RAB23: variants seen among roughly 807,000 people sequenced by gnomAD.
The protein encoded by RAB23 is RAB23, member RAS oncogene family.
RAB23 carries 15 observed loss-of-function variants against 30.0 expected under a neutral mutation model. That is an observed-to-expected ratio of 0.50 (90% CI 0.33 to 0.77). The LOEUF (loss-of-function observed/expected upper bound fraction) is 0.77. Among genes scored for constraint, RAB23 ranks in the 30% least tolerant of loss-of-function variants. The pLI is 0.02. For missense variants in RAB23, 243 were observed against 275.4 expected (o/e 0.88, Z 0.83); for synonymous variants, 93 against 94.0 (o/e 0.99, Z 0.06).
chr6:57,192,158 G>A (rs1389069517), intron 6 of RAB23, among the ~76,000 whole-genome samples: 1 of 152,180 alleles, frequency 6.6e-6, no homozygotes, highest in Admixed American at 6.5e-5. Flanking sequence ...GTGAGATTCT[G>A]TGTTAATACT....
intron 1 of RAB23, among the ~76,000 whole-genome samples, chr6:57,220,827 T>C (rs1333480657): frequency 2.0e-5 from 3 of 151,624 alleles, no homozygotes; most frequent in Non-Finnish European, 4.4e-5. Context: ...GAACTGTACA[T>C]CGAAAAAAAA....
chr6:57,215,001 G>A (rs913572017), intron 1 of RAB23, among the ~76,000 whole-genome samples: 2 of 152,096 alleles, frequency 1.3e-5, no homozygotes, highest in African/African-American at 4.8e-5. Context: ...AGTACCAAAT[G>A]GAAAGTAGAA....
intron 2 of RAB23, among the ~76,000 whole-genome samples, chr6:57,209,047 C>T (rs182106296): frequency 1.3e-5 from 2 of 152,232 alleles, no homozygotes; most frequent in African/African-American, 4.8e-5. Context: ...GACAGCACTG[C>T]AGCACTACAC....
chr6:57,206,249 G>A lies in RAB23; in HGVS notation c.241+1379C>T, dbSNP rs538029732. The stretch of plus-strand genomic sequence containing the variant: ...AAAACTAAGCTGAAGAAGGAAAGAA[G>A]TAAAGCCATGTGGAAGGTCATATTT... On this transcript the variant is annotated intron_variant, in intron 3 of 6. Transcript: ENST00000468148. 1.0e-3 allele frequency among the ~76,000 whole-genome samples: 156 copies of A among 152,222 alleles called. 1 individual carries two copies. Among genetic ancestry groups the A allele is most frequent in the Admixed American group, 2.8e-3 (43 of 15,278 alleles).
intron 6 of RAB23, among the ~76,000 whole-genome samples, chr6:57,191,259 T>A (rs1391388741): frequency 1.3e-5 from 2 of 152,128 alleles, no homozygotes; most frequent in Non-Finnish European, 2.9e-5. Context: ...CCTTGCCAGT[T>A]TTCCCACCCC....
intron 1 of RAB23, among the ~76,000 whole-genome samples, chr6:57,212,607 G>T (rs1474713498): frequency 6.6e-6 from 1 of 151,848 alleles, no homozygotes; most frequent in Non-Finnish European, 1.5e-5. Flanking sequence ...CTTGGCTGGG[G>T]GCAGTGGCTC....
At chr6:57,214,176 C>T (rs1765755160) in intron 1 of RAB23, among the ~76,000 whole-genome samples, 1 of 152,164 alleles carries the variant, frequency 6.6e-6, no homozygotes, top group African/African-American at 2.4e-5. Context: ...AGGACTTACA[C>T]TATCTCTCAC....
chr6:57,190,700 C>T (rs577107700), intron 6 of RAB23, 100 bp from the exon 7 acceptor site: 16 of 1,465,556 alleles, frequency 1.1e-5, no homozygotes, highest in Non-Finnish European at 1.5e-5. Flanking sequence ...CAAGTATTTA[C>T]AGTTTCTCTA....
At chr6:57,217,324 A>G (rs929742086) in intron 1 of RAB23, among the ~76,000 whole-genome samples, 2 of 151,920 alleles carry the variant, frequency 1.3e-5, no homozygotes, top group African/African-American at 4.8e-5. Context: ...TATTGTTATT[A>G]TTTTTGAGAC....
chr6:57,212,426 A>G (rs1765690507), intron 1 of RAB23, among the ~76,000 whole-genome samples: 2 of 152,098 alleles, frequency 1.3e-5, no homozygotes, highest in South Asian at 4.2e-4. Flanking sequence ...ATTTTCCCCA[A>G]TAAATCTCTT....
chr6:57,218,704 T>A (rs1371312084), intron 1 of RAB23, among the ~76,000 whole-genome samples: 2 of 151,816 alleles, frequency 1.3e-5, no homozygotes, highest in Non-Finnish European at 2.9e-5. Flanking sequence ...TACAAAAAAT[T>A]AACTGGGTGT....
intron 6 of RAB23, among the ~76,000 whole-genome samples, chr6:57,191,482 G>A (rs1223633327): frequency 1.3e-5 from 2 of 152,134 alleles, no homozygotes; most frequent in Admixed American, 6.5e-5. Context: ...ACGGAGTCTC[G>A]CTCTGTCGCC....
chr6:57,201,022 G>C (rs1413127996), intron 3 of RAB23, among the ~76,000 whole-genome samples: 2 of 151,732 alleles, frequency 1.3e-5, no homozygotes, highest in African/African-American at 2.4e-5. Flanking sequence ...GAGTCACTTT[G>C]ATCTCCCCTA....
intron 1 of RAB23, among the ~76,000 whole-genome samples, chr6:57,214,704 A>G (rs1765773254): frequency 6.6e-6 from 1 of 152,206 alleles, no homozygotes; most frequent in Non-Finnish European, 1.5e-5. Flanking sequence ...GGAGCACATC[A>G]AAGGAAGAGA....
chr6:57,219,489 C>CAAAGGTAAAAGAATCAGA (rs1765977581), intron 1 of RAB23, among the ~76,000 whole-genome samples: 1 of 151,954 alleles, frequency 6.6e-6, no homozygotes, highest in African/African-American at 2.4e-5. Context: ...ACTTTATACA[C>CAAAGGTAAAAGAATCAGA]AAAGGTAAAA....
rs146039378 is a variant in RAB23 at position 57,188,571 on chromosome 6, TAAAG to T, written c.*1886_*1889del. 4.0e-3 allele frequency: 608 copies of T among 152,112 alleles called. 5 individuals are homozygous for T. Among genetic ancestry groups the T allele is most frequent in the African/African-American group, 0.014 (579 of 41,516 alleles). 9.4% of individuals were successfully genotyped at this position (152,112 alleles called of 1,614,324 possible). A position where few individuals can be genotyped will look rare whatever the true frequency, so the allele number is the denominator to read the frequency against. On this transcript the variant is annotated 3_prime_UTR_variant, in exon 7 of 7. Coordinates refer to ENST00000468148, the MANE Select transcript of RAB23 (RefSeq NM_016277.5). ...GCAAAGTATTATTTTGTGCAAAAAT[TAAAG>T]AGGAGAGTAGAGAGTAGAAAATTGA...
At chr6:57,212,232 C>A (rs1269290903) in intron 1 of RAB23, among the ~76,000 whole-genome samples, 1 of 152,090 alleles carries the variant, frequency 6.6e-6, no homozygotes, top group African/African-American at 2.4e-5. Context: ...ACTAAACAGG[C>A]AGTGCCACTT....
chr6:57,207,836 A>G (rs1371746046), intron 2 of RAB23, 123 bp from the exon 3 acceptor site: 1 of 684,556 alleles, frequency 1.5e-6, no homozygotes, highest in Non-Finnish European at 2.5e-6. Context: ...TTGACTTATG[A>G]TGGGTTGTCC....
intron 3 of RAB23, among the ~76,000 whole-genome samples, chr6:57,200,654 C>G (rs1162265999): frequency 1.3e-5 from 2 of 151,832 alleles, no homozygotes; most frequent in East Asian, 3.9e-4. Context: ...TGCTTCATCT[C>G]AAACCTTAAA....
Sources: allele counts gnomAD v4.1 joint callset (sites outside exome capture counted in the v4.1 genomes callset), GRCh38; gene constraint gnomAD v4.1.1; transcripts MANE v1.5; gene names NCBI Gene and HGNC (gene_info 2026-07-23, HGNC 2026-07-21).